HPSE2: variants seen among roughly 807,000 people sequenced by gnomAD.
HPSE2 encodes the protein inactive heparanase-2.
Under a neutral mutation model 60.5 loss-of-function variants are expected in HPSE2, and 38 were observed. The ratio of observed to expected loss-of-function variants is 0.63; its 90% CI spans 0.48 to 0.82. HPSE2 has a LOEUF of 0.82. Ranked by LOEUF, HPSE2 falls within the 40% of genes least tolerant of loss-of-function variation. The pLI, the probability that HPSE2 is intolerant of heterozygous loss-of-function variation, is 0.00. For missense variants in HPSE2, 713 were observed against 740.4 expected (o/e 0.96, Z 0.43); for synonymous variants, 295 against 293.2 (o/e 1.01, Z -0.06).
At chr10:98,823,615 A>AC (rs1468714598) in intron 3 of HPSE2, among the ~76,000 whole-genome samples, 2 of 152,174 alleles carry the variant, frequency 1.3e-5, no homozygotes, top group Non-Finnish European at 2.9e-5. Flanking sequence ...ACGAAGCAAG[A>AC]CCCCATCTCT....
intron 9 of HPSE2, among the ~76,000 whole-genome samples, chr10:98,568,027 A>G (rs558870920): frequency 6.6e-6 from 1 of 152,316 alleles, no homozygotes; most frequent in East Asian, 1.9e-4. Flanking sequence ...AAGACCACAT[A>G]GCTCTCAAAA....
the HPSE2 span, among the ~76,000 whole-genome samples, chr10:99,310,313 C>G: frequency 6.6e-6 from 1 of 152,070 alleles, no homozygotes; most frequent in African/African-American, 2.4e-5. Context: ...TCAGCCTATC[C>G]AACAATTCCA....
chr10:99,177,139 A>G (rs1847557458), intron 2 of HPSE2, among the ~76,000 whole-genome samples: 1 of 152,200 alleles, frequency 6.6e-6, no homozygotes, highest in African/African-American at 2.4e-5. Flanking sequence ...TATGGAAAGG[A>G]AAAAACGGTA....
chr10:99,197,397 T>G (rs960982619), intron 2 of HPSE2, among the ~76,000 whole-genome samples: 4 of 152,170 alleles, frequency 2.6e-5, no homozygotes, highest in African/African-American at 9.7e-5. Context: ...AAAGGATAAA[T>G]GCTTGAGGGG....
intron 3 of HPSE2, among the ~76,000 whole-genome samples, chr10:99,121,359 G>A (rs1935666): frequency 0.49 from 74,801 of 151,790 alleles, 20,889 homozygotes; most frequent in East Asian, 0.66. Flanking sequence ...TTAATACCTC[G>A]GTGATCAAAT....
At chr10:98,897,743 C>T (rs976148884) in intron 3 of HPSE2, among the ~76,000 whole-genome samples, 1 of 151,876 alleles carries the variant, frequency 6.6e-6, no homozygotes, top group East Asian at 1.9e-4. Flanking sequence ...TGCAAAACTT[C>T]TAGATAAAAA....
chr10:99,264,078 CTTTTCT>C, the HPSE2 span, among the ~76,000 whole-genome samples: 4 of 151,994 alleles, frequency 2.6e-5, no homozygotes, highest in African/African-American at 4.8e-5. Flanking sequence ...AGTTTCTTTT[CTTTTCT>C]TTTTCTTTTT....
At chr10:98,508,305 C>T (rs999224567) in intron 9 of HPSE2, among the ~76,000 whole-genome samples, 1 of 152,136 alleles carries the variant, frequency 6.6e-6, no homozygotes, top group African/African-American at 2.4e-5. Context: ...GAAAGCTAGA[C>T]AAAGTAGTAT....
chr10:98,611,274 A>G (rs1227133453), intron 9 of HPSE2, among the ~76,000 whole-genome samples: 1 of 152,224 alleles, frequency 6.6e-6, no homozygotes, highest in Non-Finnish European at 1.5e-5. Flanking sequence ...TTCTCTTCTA[A>G]AGAGCTATCC....
intron 3 of HPSE2, among the ~76,000 whole-genome samples, chr10:98,779,924 AT>A (rs1950426545): frequency 6.6e-6 from 1 of 152,148 alleles, no homozygotes; most frequent in Non-Finnish European, 1.5e-5. Flanking sequence ...GAATTGCCTG[AT>A]TTCTAAGAGA....
intron 9 of HPSE2, among the ~76,000 whole-genome samples, chr10:98,494,174 T>C (rs1941753062): frequency 6.6e-6 from 1 of 152,230 alleles, no homozygotes. Flanking sequence ...CCATTTTTAC[T>C]TCCTGCAGAA....
Position 98,838,967 on chromosome 10 carries a change from T to C in HPSE2, c.611-94911A>G, listed in dbSNP as rs565369785. The stretch of plus-strand genomic sequence containing the variant: ...TTAGAAAGTTATGATCTAGTACAAA[T>C]TTAAAATTCATAAACCATCTAGAGA... On this transcript the variant is annotated intron_variant, in intron 3 of 11. Coordinates refer to ENST00000370552, the MANE Select transcript of HPSE2 (RefSeq NM_021828.5). Among the ~76,000 whole-genome samples, 8 of 152,242 alleles carry C rather than the reference T, an allele frequency of 5.3e-5. No individual in the cohort carries two copies. In the South Asian group the frequency reaches 1.7e-3, roughly 32 times the overall value.
At chr10:99,173,475 G>T (rs1374110371) in intron 2 of HPSE2, among the ~76,000 whole-genome samples, 1 of 152,092 alleles carries the variant, frequency 6.6e-6, no homozygotes, top group Non-Finnish European at 1.5e-5. Context: ...CCAAAGTAGG[G>T]AACACAGGAG....
intron 3 of HPSE2, among the ~76,000 whole-genome samples, chr10:99,135,784 A>G (rs955674871): frequency 6.6e-6 from 1 of 152,156 alleles, no homozygotes; most frequent in African/African-American, 2.4e-5. Context: ...AAATTCTTTT[A>G]ATTTAATATT....
Position 99,049,969 on chromosome 10 carries a change from T to C in HPSE2, c.610+94269A>G, listed in dbSNP as rs1021255680. ...CATTTCACTATATATAAATGGCTAA[T>C]AAGCACATGAAAATATAGAGAACAT... On this transcript the variant is annotated intron_variant, in intron 3 of 11. Coordinates refer to ENST00000370552, the MANE Select transcript of HPSE2 (RefSeq NM_021828.5). Among the ~76,000 whole-genome samples the C allele has an allele frequency of 2.3e-4, 35 of 152,118 alleles. 1 individual carries two copies. Among genetic ancestry groups the C allele is most frequent in the East Asian group, 1.9e-4 (1 of 5,190 alleles).
intron 9 of HPSE2, among the ~76,000 whole-genome samples, chr10:98,558,494 G>A (rs543325404): frequency 2.0e-5 from 3 of 152,220 alleles, no homozygotes; most frequent in East Asian, 1.9e-4. Flanking sequence ...AATGTTGAGC[G>A]AAAAAATCCA....
chr10:99,078,128 T>A (rs1843009879), intron 3 of HPSE2, among the ~76,000 whole-genome samples: 1 of 152,216 alleles, frequency 6.6e-6, no homozygotes, highest in South Asian at 2.1e-4. Context: ...AACACCATGC[T>A]TCCTGTACAG....
chr10:98,891,744 C>T (rs570388812), intron 3 of HPSE2, among the ~76,000 whole-genome samples: 14 of 152,206 alleles, frequency 9.2e-5, no homozygotes, highest in Non-Finnish European at 1.9e-4. Context: ...GCATGAGCCA[C>T]CACACCTGGA....
At chr10:98,881,805 T>G (rs1953031274) in intron 3 of HPSE2, among the ~76,000 whole-genome samples, 1 of 152,114 alleles carries the variant, frequency 6.6e-6, no homozygotes, top group Non-Finnish European at 1.5e-5. Context: ...GTACCAAACA[T>G]TCTCTTGAGT....
Sources: allele counts gnomAD v4.1 joint callset (sites outside exome capture counted in the v4.1 genomes callset), GRCh38; gene constraint gnomAD v4.1.1; transcripts MANE v1.5; gene names NCBI Gene and HGNC (gene_info 2026-07-23, HGNC 2026-07-21).